The following TK2 variants were observed in gnomAD, a reference collection of about 807,000 sequenced individuals.
The protein encoded by TK2 is thymidine kinase 2, mitochondrial.
Under a neutral mutation model 41.9 loss-of-function variants are expected in TK2, and 35 were observed. The ratio of observed to expected loss-of-function variants is 0.84; its 90% CI spans 0.64 to 1.11. The LOEUF (loss-of-function observed/expected upper bound fraction) is 1.11. Among genes scored for constraint, TK2 ranks in the 50% least tolerant of loss-of-function variants. The probability of loss-of-function intolerance (pLI) is 0.00; values close to 1 mark genes in which losing one functional copy is unlikely to be tolerated. For missense variants in TK2, 320 were observed against 351.1 expected (o/e 0.91, Z 0.71); for synonymous variants, 128 against 129.1 (o/e 0.99, Z 0.06).
rs1448554731 is a variant in TK2, at chr16:66,512,047, T to A, written c.719A>T (p.His240Leu). 9.3e-6 allele frequency: 15 copies of A among 1,614,158 alleles called. No homozygotes were observed. Among genetic ancestry groups the A allele is most frequent in the Non-Finnish European group, 1.3e-5 (15 of 1,180,024 alleles). ...APVLVIEADH[H>L]MERMLELFEQ... ...AAAGAGTTCTAACATCCTCTCCATG[T>A]GGTGGTCAGCCTCAATCACCTGGAA... is the stretch of plus-strand genomic sequence containing the variant. Residue 240 changes from histidine (H) to leucine (L), a missense_variant, in exon 10 of 10, where the codon CAC becomes CTC. By Grantham distance (99) the His-to-Leu change is moderately conservative. Coordinates refer to ENST00000544898, the MANE Select transcript of TK2 (RefSeq NM_004614.5).
In TK2 at chr16:66,528,013, T is replaced by C. The variant is rs73596613; in HGVS notation, c.449+981A>G. On this transcript the variant is annotated intron_variant, in intron 6 of 9. Coordinates refer to ENST00000544898, the MANE Select transcript of TK2 (RefSeq NM_004614.5). The stretch of plus-strand genomic sequence containing the variant: ...TGCCCCCGTACTCCAGCTTGGGTGA[T>C]AGAGCCAGACCCTGCCTCAAAAAAC... Among the ~76,000 whole-genome samples, 342 of 152,194 alleles carry C rather than the reference T, an allele frequency of 2.2e-3. 4 individuals carry two copies. Among genetic ancestry groups the C allele is most frequent in the African/African-American group, 7.9e-3 (330 of 41,532 alleles).
Position 66,525,822 on chromosome 16 carries a change from T to C in TK2, c.449+3172A>G, listed in dbSNP as rs148838423. Among the ~76,000 whole-genome samples, 833 of 152,290 alleles carry C rather than the reference T, an allele frequency of 5.5e-3. 4 individuals carry two copies. Among genetic ancestry groups the C allele is most frequent in the Middle Eastern group, 0.017 (5 of 294 alleles). ...CACTGTAAGTTTCTTCTGTGGTTCA[T>C]TGTCCCACAGAAATCCTAACCACAG... is the stretch of plus-strand genomic sequence containing the variant. On this transcript the variant is annotated intron_variant, in intron 6 of 9. Transcript: ENST00000544898.
chr16:66,517,199 A>G lies in TK2; in HGVS notation c.555T>C (p.Asn185=). The change falls in exon 8 of 10, where the codon AAT becomes AAC. Residue 185 remains asparagine (N), a synonymous_variant. Transcript: ENST00000544898. This position sits in a 1 kb window ranked among gnomAD's most constrained non-coding sequence, Gnocchi z 4.3. The stretch of plus-strand genomic sequence containing the variant: ...TTAACCTCTGGTAACAAGTCTCAGG[A>G]TTGGTCCGAAGGTAAACTGAGGTTA... ...SVDLIVYLRT[N]PETCYQRLKK... 1 of 1,614,168 alleles carries G rather than the reference A, an allele frequency of 6.2e-7. No homozygotes were observed. The highest frequency in any genetic ancestry group is 8.5e-7 in the Non-Finnish European group (1 of 1,180,010).
At chr16:66,520,156 T>C (rs1964738693) in intron 6 of TK2, among the ~76,000 whole-genome samples, 1 of 152,086 alleles carries the variant, frequency 6.6e-6, no homozygotes, top group Non-Finnish European at 1.5e-5. Flanking sequence ...CCAGAAAACC[T>C]GGAGAAGCTG....
chr16:66,519,702 G>A (rs1964723105), intron 6 of TK2, among the ~76,000 whole-genome samples: 1 of 152,166 alleles, frequency 6.6e-6, no homozygotes, highest in African/African-American at 2.4e-5. Flanking sequence ...GCCTAGCAGA[G>A]GAATTCTCCC....
intron 8 of TK2, 138 bp downstream of exon 8, chr16:66,516,996 CCT>C: frequency 2.4e-6 from 2 of 817,174 alleles, no homozygotes; most frequent in Non-Finnish European, 4.3e-6. Flanking sequence ...CAGAGTTCAC[CCT>C]CTGATACACT....
chr16:66,545,642 G>T (rs1385601681), intron 2 of TK2, among the ~76,000 whole-genome samples: 1 of 152,104 alleles, frequency 6.6e-6, no homozygotes, highest in Non-Finnish European at 1.5e-5. Context: ...TGGCTAACGT[G>T]GTGAAACCCC....
At position 66,544,817 on chromosome 16, in the gene TK2, G is replaced by A. The variant is rs545415552; in HGVS notation, c.157-2864C>T. On this transcript the variant is annotated intron_variant, in intron 2 of 9. Transcript: ENST00000544898. ...AATACATTCTCAGTGGCCAGGCGCA[G>A]TGGCTCACGCCTGTAATCCCAGCAT... is the stretch of plus-strand genomic sequence containing the variant. Among the ~76,000 whole-genome samples, 165 of 152,360 alleles carry A rather than the reference G, an allele frequency of 1.1e-3. 5 individuals carry two copies. The highest frequency in any genetic ancestry group is 9.6e-3 in the Admixed American group (147 of 15,298).
At chr16:66,547,648 C>T (rs1965648715) in intron 2 of TK2, among the ~76,000 whole-genome samples, 1 of 152,052 alleles carries the variant, frequency 6.6e-6, no homozygotes, top group African/African-American at 2.4e-5. Flanking sequence ...CCACCATTCT[C>T]CTAGTTACTG....
At chr16:66,549,208 T>C in intron 1 of TK2, 199 bp from the exon 2 acceptor site, 5 of 1,444,808 alleles carry the variant, frequency 3.5e-6, no homozygotes, top group Non-Finnish European at 9.1e-7. Context: ...CAGCTGCAGC[T>C]TCGTGGACCC....
In TK2 at chr16:66,509,734, G is replaced by C. The variant is rs1437547007; in HGVS notation, c.*2234C>G. The C allele has an allele frequency of 6.6e-6, 1 of 152,650 alleles. No individual in the cohort carries two copies. The highest frequency in any genetic ancestry group is 1.5e-5 in the Non-Finnish European group (1 of 68,376). The allele number at this position is 152,650 out of a possible 1,614,324, so 9.5% of individuals were successfully genotyped here. ...TGCCCCTCCCAGCCATGACCCCCCA[G>C]TGCTCTAAGGACAAGGCCCTGTTGT... On this transcript the variant is annotated 3_prime_UTR_variant, in exon 10 of 10. Transcript: ENST00000544898.
chr16:66,513,852 G>A (rs1597074210), intron 8 of TK2, 41 bp from the exon 9 acceptor site: 1 of 1,561,198 alleles, frequency 6.4e-7, no homozygotes, highest in Non-Finnish European at 8.8e-7. Flanking sequence ...AGTGGACAGA[G>A]CAGACCCCAC....
chr16:66,538,887 C>G (rs1283001937), intron 3 of TK2, among the ~76,000 whole-genome samples: 1 of 152,082 alleles, frequency 6.6e-6, no homozygotes, highest in African/African-American at 2.4e-5. Flanking sequence ...CTGGCTGTAT[C>G]CGGGCTGGGA....
chr16:66,517,059 G>T lies in TK2; in HGVS notation c.618+77C>A. ...AAGGGCACAATGATCTCATGGGGGT[G>T]GGGCCGGGAGAGGAAGCCGGGTTGG... is the stretch of plus-strand genomic sequence containing the variant. On this transcript the variant is annotated intron_variant, in intron 8 of 9. Transcript: ENST00000544898. The surrounding 1 kb of genome is among the most constrained non-coding windows in gnomAD (Gnocchi z 4.3). 8.1e-7 allele frequency: 1 copy of T among 1,233,330 alleles called. No homozygotes were observed. The highest frequency in any genetic ancestry group is 1.2e-6 in the Non-Finnish European group (1 of 833,132). The allele number at this position is 1,233,330 out of a possible 1,614,324, so 76.4% of individuals were successfully genotyped here. A position where few individuals can be genotyped will look rare whatever the true frequency, so the allele number is the denominator to read the frequency against.
intron 2 of TK2, among the ~76,000 whole-genome samples, chr16:66,544,326 T>C (rs1276766909): frequency 6.6e-6 from 1 of 152,328 alleles, no homozygotes; most frequent in East Asian, 1.9e-4. Context: ...GAGAAGTGCA[T>C]GCCCATTGAA....
chr16:66,513,152 G>A (rs180906219), intron 9 of TK2, among the ~76,000 whole-genome samples: 158 of 152,320 alleles, frequency 1.0e-3, no homozygotes, highest in African/African-American at 3.7e-3. Flanking sequence ...GGGGAAGTAA[G>A]GAAATGCTGA....
intron 6 of TK2, chr16:66,524,975 T>G (rs898101758): frequency 2.6e-5 from 4 of 152,270 alleles, no homozygotes; most frequent in African/African-American, 9.7e-5. Context: ...ACAGCAGGGT[T>G]CGGAACACCT....
chr16:66,549,793 C>G, intron 1 of TK2, 145 bp downstream of exon 1: 5 of 1,285,010 alleles, frequency 3.9e-6, no homozygotes, highest in Non-Finnish European at 3.9e-6. Context: ...CGGCCGATGG[C>G]CGCCCCCGTC....
In TK2 at chr16:66,531,527, G is replaced by C; in HGVS notation, c.286-58C>G. On this transcript the variant is annotated intron_variant, in intron 4 of 9. Coordinates refer to ENST00000544898, the MANE Select transcript of TK2 (RefSeq NM_004614.5). Reference sequence around the variant, plus strand: ...AAGTGGCATCTGCAGGAGGACCCTGGTCTCACAAGGCACTGAAGGACAGCT... The same window carrying C: ...AAGTGGCATCTGCAGGAGGACCCTGCTCTCACAAGGCACTGAAGGACAGCT... 31 of 1,538,504 alleles carry C rather than the reference G, an allele frequency of 2.0e-5. No homozygotes were observed. In the South Asian group the frequency reaches 3.3e-4, roughly 16 times the overall value.
Sources: gnomAD v4.1 joint callset for allele counts (sites outside exome capture counted in the v4.1 genomes callset) on GRCh38, gnomAD v4.1.1 for gene constraint, Gnocchi (gnomAD v3.1) non-coding constraint, MANE v1.5 for transcripts, NCBI Gene and HGNC (gene_info 2026-07-23, HGNC 2026-07-21) for gene names.